Variants in ITGBL1 observed in about 807,000 individuals in gnomAD.
ITGBL1 encodes integrin subunit beta like 1, also known as integrin beta-like protein 1.
In ITGBL1, 51 loss-of-function variants were observed where a neutral mutation model predicts 68.5. The ratio of observed to expected loss-of-function variants is 0.74; its 90% confidence interval spans 0.59 to 0.94. The LOEUF is 0.94. Among genes scored for constraint, ITGBL1 ranks in the 40% least tolerant of loss-of-function variants. The pLI, the probability that ITGBL1 is intolerant of heterozygous loss-of-function variation, is 0.00. For missense variants in ITGBL1, 649 were observed against 647.4 expected, an observed-to-expected ratio of 1.00 and a Z score of -0.03; for synonymous variants, 209 against 227.3, an observed-to-expected ratio of 0.92 and a Z score of 0.72.
intron 7 of ITGBL1, among the ~76,000 whole-genome samples, chr13:101,633,979 T>C (rs1175733921): frequency 2.0e-5 from 3 of 150,960 alleles, no homozygotes; most frequent in Non-Finnish European, 4.4e-5. Flanking sequence ...GGTGTGATGA[T>C]GCATAAAATT....
At chr13:101,512,123 ATCCTCATTTAAG>A (rs1245639590) in intron 2 of ITGBL1, among the ~76,000 whole-genome samples, 1 of 151,838 alleles carries the variant, frequency 6.6e-6, no homozygotes, top group African/African-American at 2.4e-5. Context: ...TATTTTTTCT[ATCCTCATTTAAG>A]TCATTTTACT....
chr13:101,595,031 G>T (rs1467688554), intron 6 of ITGBL1, among the ~76,000 whole-genome samples: 1 of 152,160 alleles, frequency 6.6e-6, no homozygotes, highest in Non-Finnish European at 1.5e-5. Context: ...CCGAGATTGT[G>T]CCACTGCACT....
At chr13:101,575,732 T>C (rs1401254809) in intron 4 of ITGBL1, among the ~76,000 whole-genome samples, 186 bp downstream of exon 4, 1 of 152,148 alleles carries the variant, frequency 6.6e-6, no homozygotes, top group East Asian at 1.9e-4. Flanking sequence ...TAGTACTTTT[T>C]AGATGCAAAG....
intron 6 of ITGBL1, among the ~76,000 whole-genome samples, chr13:101,591,959 T>C (rs2050663461): frequency 6.6e-6 from 1 of 152,192 alleles, no homozygotes; most frequent in Non-Finnish European, 1.5e-5. Flanking sequence ...CTCCTTTTTA[T>C]GTAGCTTTTA....
intron 8 of ITGBL1, among the ~76,000 whole-genome samples, chr13:101,703,554 C>A (rs939231073): frequency 6.6e-6 from 1 of 152,156 alleles, no homozygotes; most frequent in African/African-American, 2.4e-5. Context: ...CTGTAGGAAT[C>A]TACGAGCCAG....
At chr13:101,706,162 C>A (rs2034259245) in intron 8 of ITGBL1, among the ~76,000 whole-genome samples, 1 of 151,796 alleles carries the variant, frequency 6.6e-6, no homozygotes, top group African/African-American at 2.4e-5. Flanking sequence ...TGTCAGGAAC[C>A]AAACCAAAAA....
chr13:101,507,248 G>T (rs907670269), intron 2 of ITGBL1, among the ~76,000 whole-genome samples: 1 of 152,116 alleles, frequency 6.6e-6, no homozygotes, highest in African/African-American at 2.4e-5. Flanking sequence ...TTCCATGAGG[G>T]CAGGAGGACA....
chr13:101,599,075 C>T (rs922630648), intron 7 of ITGBL1, among the ~76,000 whole-genome samples: 3 of 152,192 alleles, frequency 2.0e-5, no homozygotes, highest in Non-Finnish European at 4.4e-5. Flanking sequence ...GTTCCTATTT[C>T]TCCATATCAT....
intron 7 of ITGBL1, among the ~76,000 whole-genome samples, chr13:101,660,818 T>C (rs1268692754): frequency 6.6e-6 from 1 of 152,198 alleles, no homozygotes; most frequent in Non-Finnish European, 1.5e-5. Flanking sequence ...TATTGTTATA[T>C]CTAAAAATGC....
At chr13:101,576,813 G>C (rs1338557762) in intron 4 of ITGBL1, among the ~76,000 whole-genome samples, 1 of 152,100 alleles carries the variant, frequency 6.6e-6, no homozygotes, top group Non-Finnish European at 1.5e-5. Context: ...ATTTTTCCGA[G>C]CCAATGACCT....
At chr13:101,567,612 T>A (rs2050202318) in intron 2 of ITGBL1, 87 bp from the exon 3 acceptor site, 3 of 1,256,398 alleles carry the variant, frequency 2.4e-6, no homozygotes, top group Non-Finnish European at 3.3e-6. Context: ...CAGTCCCAAA[T>A]CAATGTCACT....
intron 2 of ITGBL1, among the ~76,000 whole-genome samples, chr13:101,481,562 C>T (rs1047442620): frequency 1.3e-5 from 2 of 151,938 alleles, no homozygotes; most frequent in Non-Finnish European, 2.9e-5. Context: ...CTTCCTCCAC[C>T]TTATCCCAGA....
Position 101,689,261 on chromosome 13 carries a change from A to C in ITGBL1, c.1016-3324A>C, listed in dbSNP as rs535553397. ...ATGAGGACACATAAGAAGCATAGTT[A>C]ATTTTATTGTATTTGTGAAATTGTG... On this transcript the variant is annotated intron_variant, in intron 7 of 10. Transcript: ENST00000376180. Among the ~76,000 whole-genome samples the C allele has an allele frequency of 5.4e-5, 8 of 149,218 alleles. No homozygotes were observed. In the South Asian group the frequency reaches 1.7e-3, roughly 32 times the overall value.
chr13:101,622,915 A>ATGTG (rs59267168), intron 7 of ITGBL1, among the ~76,000 whole-genome samples: 3,846 of 148,456 alleles, frequency 0.026, 120 homozygotes, highest in African/African-American at 0.069. Context: ...TGGGGTATGT[A>ATGTG]TGTGTGTGTG....
At chr13:101,486,027 C>T (rs768738161) in intron 2 of ITGBL1, among the ~76,000 whole-genome samples, 1 of 151,916 alleles carries the variant, frequency 6.6e-6, no homozygotes, top group African/African-American at 2.4e-5. Context: ...AATCATTAGA[C>T]GAAAAAGATA....
chr13:101,577,957 C>A (rs2050391623), intron 4 of ITGBL1, among the ~76,000 whole-genome samples: 1 of 152,122 alleles, frequency 6.6e-6, no homozygotes, highest in Non-Finnish European at 1.5e-5. Context: ...TTTAGGTTAA[C>A]AAGTGATTTT....
At chr13:101,467,370 G>C (rs2048396579) in intron 2 of ITGBL1, among the ~76,000 whole-genome samples, 1 of 152,148 alleles carries the variant, frequency 6.6e-6, no homozygotes, top group Non-Finnish European at 1.5e-5. Flanking sequence ...GAAAAGTCTG[G>C]TACAGCTAGA....
chr13:101,597,441 A>G (rs1231096048), intron 6 of ITGBL1, among the ~76,000 whole-genome samples: 1 of 122,552 alleles, frequency 8.2e-6, no homozygotes. Context: ...AAAAAAAAAA[A>G]TCCTGCTTCA....
intron 7 of ITGBL1, among the ~76,000 whole-genome samples, chr13:101,611,951 C>T (rs879689337): frequency 6.6e-6 from 1 of 152,156 alleles, no homozygotes; most frequent in Non-Finnish European, 1.5e-5. Context: ...ACTAACCCAT[C>T]GTTCTTTCAG....
Sources: gnomAD v4.1 joint callset for allele counts (sites outside exome capture counted in the v4.1 genomes callset) on GRCh38, gnomAD v4.1.1 for gene constraint, MANE v1.5 for transcripts, NCBI Gene and HGNC (gene_info 2026-07-23, HGNC 2026-07-21) for gene names.